The following CNTNAP2 variants were observed in gnomAD, a reference collection of about 807,000 sequenced individuals.
The protein encoded by CNTNAP2 is contactin associated protein 2.
A neutral mutation model predicts 155.2 loss-of-function variants in CNTNAP2; 98 were observed. That is an observed-to-expected ratio of 0.63 (90% confidence interval 0.54 to 0.75). The LOEUF (loss-of-function observed/expected upper bound fraction) is 0.75. Ranked by LOEUF, CNTNAP2 falls within the 30% of genes least tolerant of loss-of-function variation. The pLI, the probability that CNTNAP2 is intolerant of heterozygous loss-of-function variation, is 0.00. For synonymous variants in CNTNAP2, 651 were observed against 631.2 expected (o/e 1.03, Z -0.47); for missense variants, 1,727 against 1,688.1 (o/e 1.02, Z -0.40).
intron 8 of CNTNAP2, among the ~76,000 whole-genome samples, chr7:147,179,597 T>G (rs1371435618): frequency 6.6e-6 from 1 of 152,180 alleles, no homozygotes; most frequent in African/African-American, 2.4e-5. Context: ...CTTTTACAGA[T>G]AAAATTCACC....
intron 15 of CNTNAP2, among the ~76,000 whole-genome samples, chr7:148,055,312 G>T (rs551853268): frequency 6.6e-6 from 1 of 152,100 alleles, no homozygotes; most frequent in African/African-American, 2.4e-5. Flanking sequence ...ACTAACTTTT[G>T]AAGTGCGTTG....
At chr7:146,819,657 A>C (rs7806453) in intron 2 of CNTNAP2, among the ~76,000 whole-genome samples, 27,530 of 152,040 alleles carry the variant, frequency 0.18, 7,875 homozygotes, top group African/African-American at 0.61. Flanking sequence ...CTCATCTTTA[A>C]AACCGATATG....
intron 1 of CNTNAP2, among the ~76,000 whole-genome samples, chr7:146,431,698 A>AAGTCACACCAT (rs1478924679): frequency 2.0e-5 from 3 of 152,074 alleles, no homozygotes; most frequent in Non-Finnish European, 4.4e-5. Flanking sequence ...AGTCACACCA[A>AAGTCACACCAT]AGTCACACAG....
chr7:147,656,268 T>A (rs566840531), intron 13 of CNTNAP2, among the ~76,000 whole-genome samples: 2 of 152,318 alleles, frequency 1.3e-5, no homozygotes, highest in East Asian at 3.9e-4. Flanking sequence ...TTCACTGGAG[T>A]AGCACTTTCA....
intron 1 of CNTNAP2, among the ~76,000 whole-genome samples, chr7:146,666,337 G>A (rs1034934048): frequency 1.3e-5 from 2 of 152,026 alleles, no homozygotes; most frequent in African/African-American, 4.8e-5. Context: ...TTCACTGTTT[G>A]TTTATGGCTA....
At chr7:146,401,061 C>T (rs1047477448) in intron 1 of CNTNAP2, among the ~76,000 whole-genome samples, 3 of 152,118 alleles carry the variant, frequency 2.0e-5, no homozygotes, top group South Asian at 2.1e-4. Context: ...TAAGAAGTTA[C>T]GAAAAGGGCT....
chr7:147,101,097 A>G (rs1474262224), intron 4 of CNTNAP2, among the ~76,000 whole-genome samples: 1 of 152,178 alleles, frequency 6.6e-6, no homozygotes, highest in East Asian at 1.9e-4. Context: ...TGCTATGTGA[A>G]GTTTGCGAGG....
intron 11 of CNTNAP2, among the ~76,000 whole-genome samples, chr7:147,559,642 G>A (rs1018392365): frequency 6.6e-6 from 1 of 152,102 alleles, no homozygotes; most frequent in Non-Finnish European, 1.5e-5. Flanking sequence ...AAGGGGAATG[G>A]TTTCAATGGC....
At chr7:146,189,432 G>A (rs997137753) in intron 1 of CNTNAP2, among the ~76,000 whole-genome samples, 5 of 152,158 alleles carry the variant, frequency 3.3e-5, no homozygotes, top group Admixed American at 6.5e-5. Flanking sequence ...GAGGATTCCA[G>A]CTTGCAATAT....
chr7:147,639,390 A>G, intron 13 of CNTNAP2, 84 bp downstream of exon 13: 4 of 1,288,438 alleles, frequency 3.1e-6, no homozygotes, highest in Non-Finnish European at 4.4e-6. Flanking sequence ...GGTGTGGTTC[A>G]TTATCTTATA....
At chr7:147,359,235 T>C (rs1796110043) in intron 9 of CNTNAP2, among the ~76,000 whole-genome samples, 1 of 152,172 alleles carries the variant, frequency 6.6e-6, no homozygotes, top group Non-Finnish European at 1.5e-5. Context: ...CAATTACTCA[T>C]ACTGTAAAAC....
At chr7:148,300,765 C>T (rs180964184) in intron 21 of CNTNAP2, among the ~76,000 whole-genome samples, 3 of 152,166 alleles carry the variant, frequency 2.0e-5, no homozygotes, top group African/African-American at 7.2e-5. Context: ...AAGCCAGTTA[C>T]AAAAGGACAA....
At chr7:146,477,464 T>A (rs75929614) in intron 1 of CNTNAP2, among the ~76,000 whole-genome samples, 2 of 152,124 alleles carry the variant, frequency 1.3e-5, no homozygotes, top group Non-Finnish European at 2.9e-5. Flanking sequence ...AGCATAGAGA[T>A]TTGTTACAAA....
intron 10 of CNTNAP2, among the ~76,000 whole-genome samples, chr7:147,475,757 C>T (rs1798309076): frequency 6.6e-6 from 1 of 152,110 alleles, no homozygotes; most frequent in African/African-American, 2.4e-5. Context: ...TGTTTTATTG[C>T]CACATACGTT....
At chr7:147,661,343 T>G (rs1236499206) in intron 13 of CNTNAP2, among the ~76,000 whole-genome samples, 1 of 152,168 alleles carries the variant, frequency 6.6e-6, no homozygotes, top group Non-Finnish European at 1.5e-5. Context: ...ATTTGGCTAA[T>G]GAAGTGTTTA....
chr7:146,807,182 T>G (rs937540524), intron 2 of CNTNAP2, among the ~76,000 whole-genome samples: 3 of 152,176 alleles, frequency 2.0e-5, no homozygotes, highest in Non-Finnish European at 4.4e-5. Context: ...AATCTTACAA[T>G]CTGGTATTGA....
At chr7:146,714,375 C>A (rs541804709) in intron 1 of CNTNAP2, among the ~76,000 whole-genome samples, 1 of 152,186 alleles carries the variant, frequency 6.6e-6, no homozygotes, top group Non-Finnish European at 1.5e-5. Context: ...ACCCTAGAAA[C>A]ACCATACTAT....
chr7:146,211,361 A>G (rs989057224), intron 1 of CNTNAP2, among the ~76,000 whole-genome samples: 12 of 152,216 alleles, frequency 7.9e-5, no homozygotes, highest in Non-Finnish European at 1.3e-4. Flanking sequence ...TCTACCTTTC[A>G]AATATGAATT....
intron 10 of CNTNAP2, among the ~76,000 whole-genome samples, chr7:147,447,561 C>T (rs771146338): frequency 1.8e-4 from 28 of 152,088 alleles, no homozygotes; most frequent in African/African-American, 6.7e-4. Flanking sequence ...GGACTACAGG[C>T]GCGCGCCACC....
Sources: gnomAD v4.1 joint callset for allele counts (sites outside exome capture counted in the v4.1 genomes callset) on GRCh38, gnomAD v4.1.1 for gene constraint, MANE v1.5 for transcripts, NCBI Gene and HGNC (gene_info 2026-07-23, HGNC 2026-07-21) for gene names.